MPPED2: variants seen among roughly 807,000 people sequenced by gnomAD.
MPPED2 encodes the protein metallophosphoesterase domain containing 2, also known as metallophosphoesterase MPPED2.
In MPPED2, 5 loss-of-function variants were observed where a neutral mutation model predicts 33.0. The ratio of observed to expected loss-of-function variants is 0.15; its 90% CI spans 0.08 to 0.32. The LOEUF (loss-of-function observed/expected upper bound fraction) is 0.32. Among genes scored for constraint, MPPED2 ranks in the 10% least tolerant of loss-of-function variants. The probability of loss-of-function intolerance (pLI) is 1.00; values close to 1 mark genes in which losing one functional copy is unlikely to be tolerated. For missense variants in MPPED2, 275 were observed against 372.1 expected, an observed-to-expected ratio of 0.74 and a Z score of 2.15; for synonymous variants, 136 against 141.9, an observed-to-expected ratio of 0.96 and a Z score of 0.29.
chr11:30,387,532 ACAC>A (rs1947718120), exon 7 of MPPED2: 1 of 152,166 alleles, frequency 6.6e-6, no homozygotes, highest in Admixed American at 6.5e-5. Context: ...GGTTGGAGAG[ACAC>A]CATCCCATGC....
At chr11:30,519,523 T>C (rs775468283) in intron 3 of MPPED2, among the ~76,000 whole-genome samples, 3 of 151,312 alleles carry the variant, frequency 2.0e-5, no homozygotes, top group Non-Finnish European at 2.9e-5. Context: ...AGGATACACA[T>C]ATATATGAGT....
intron 4 of MPPED2, among the ~76,000 whole-genome samples, chr11:30,479,272 G>A (rs900575239): frequency 5.3e-5 from 8 of 152,080 alleles, no homozygotes; most frequent in African/African-American, 1.9e-4. Flanking sequence ...GGTCACCGGA[G>A]ACCTGACGTA....
intron 3 of MPPED2, among the ~76,000 whole-genome samples, chr11:30,503,024 G>A (rs1406663243): frequency 6.6e-6 from 1 of 152,140 alleles, no homozygotes; most frequent in East Asian, 1.9e-4. Flanking sequence ...TGGTTTGGCT[G>A]TGTCCCCATC....
At chr11:30,476,438 G>A (rs1202264041) in intron 4 of MPPED2, among the ~76,000 whole-genome samples, 1 of 151,826 alleles carries the variant, frequency 6.6e-6, no homozygotes, top group Non-Finnish European at 1.5e-5. Context: ...TTTTGTATGT[G>A]GTATGAGGTA....
At chr11:30,432,184 A>G (rs937988258) in intron 4 of MPPED2, among the ~76,000 whole-genome samples, 1 of 146,406 alleles carries the variant, frequency 6.8e-6, no homozygotes, top group Non-Finnish European at 1.5e-5. Flanking sequence ...AAAAAAAAAA[A>G]TCCAATTTAT....
chr11:30,453,674 T>C (rs1394772873), intron 4 of MPPED2, among the ~76,000 whole-genome samples: 1 of 152,232 alleles, frequency 6.6e-6, no homozygotes, highest in Middle Eastern at 3.2e-3. Context: ...TTTTCTACAG[T>C]TTGTTCTGTG....
chr11:30,492,159 C>G (rs1405568501), intron 4 of MPPED2, among the ~76,000 whole-genome samples: 1 of 152,206 alleles, frequency 6.6e-6, no homozygotes, highest in East Asian at 1.9e-4. Context: ...TGCAGCACCA[C>G]CAAAAACAGA....
intron 6 of MPPED2, among the ~76,000 whole-genome samples, chr11:30,390,685 T>C (rs765499787): frequency 1.3e-5 from 2 of 152,166 alleles, no homozygotes; most frequent in Non-Finnish European, 1.5e-5. Context: ...AACAACAACT[T>C]ATTGTTATAT....
chr11:30,550,608 T>C (rs1368352155), intron 2 of MPPED2, among the ~76,000 whole-genome samples: 1 of 152,184 alleles, frequency 6.6e-6, no homozygotes, highest in Non-Finnish European at 1.5e-5. Flanking sequence ...TTTCCACGGC[T>C]TGCACGGCTG....
intron 4 of MPPED2, among the ~76,000 whole-genome samples, chr11:30,449,208 CT>C (rs1466532398): frequency 2.2e-5 from 3 of 136,384 alleles, no homozygotes; most frequent in African/African-American, 8.6e-5. Context: ...ATGAATGCCC[CT>C]ATGTATAGCT....
chr11:30,404,482 T>C (rs1185412509), intron 6 of MPPED2, among the ~76,000 whole-genome samples: 4 of 152,178 alleles, frequency 2.6e-5, no homozygotes, highest in Non-Finnish European at 5.9e-5. Flanking sequence ...CATGTGGGTT[T>C]TTCTCCTTCA....
At chr11:30,422,924 C>T (rs950137442) in intron 4 of MPPED2, among the ~76,000 whole-genome samples, 7 of 152,098 alleles carry the variant, frequency 4.6e-5, no homozygotes. Flanking sequence ...TTCAAAGCAC[C>T]CTCCCCCTTG....
chr11:30,399,912 T>A (rs607752), intron 6 of MPPED2, among the ~76,000 whole-genome samples: 1 of 151,978 alleles, frequency 6.6e-6, no homozygotes, highest in Non-Finnish European at 1.5e-5. Flanking sequence ...AAAGACAGAC[T>A]GAAACCTCAA....
At chr11:30,579,998 C>A (rs978481323) in intron 2 of MPPED2, among the ~76,000 whole-genome samples, 5 of 152,078 alleles carry the variant, frequency 3.3e-5, no homozygotes, top group African/African-American at 1.2e-4. Context: ...TAGGGGCAAC[C>A]AACCACCAGT....
intron 4 of MPPED2, chr11:30,425,572 G>A (rs1948798606): frequency 6.6e-6 from 1 of 152,130 alleles, no homozygotes; most frequent in Non-Finnish European, 1.5e-5. Flanking sequence ...AGAGCCTGAC[G>A]AGGCAGAGGA....
intron 2 of MPPED2, among the ~76,000 whole-genome samples, chr11:30,568,971 G>A (rs1956572856): frequency 6.6e-6 from 1 of 152,004 alleles, no homozygotes; most frequent in Non-Finnish European, 1.5e-5. Flanking sequence ...CTTACATGTT[G>A]GAGGAAATAT....
chr11:30,493,383 A>G (rs915155355), intron 4 of MPPED2, among the ~76,000 whole-genome samples: 51 of 152,074 alleles, frequency 3.4e-4, no homozygotes, highest in African/African-American at 1.2e-3. Context: ...AAAAAAAAAA[A>G]AAAAGAAAAT....
intron 2 of MPPED2, among the ~76,000 whole-genome samples, chr11:30,570,341 C>A (rs1330345107): frequency 6.6e-6 from 1 of 152,020 alleles, no homozygotes; most frequent in Non-Finnish European, 1.5e-5. Context: ...AAAGTCCCCA[C>A]CTCCTAATAC....
chr11:30,510,468 T>A lies in MPPED2; in HGVS notation c.311-14947A>T, dbSNP rs528767893. On this transcript the variant is annotated intron_variant, in intron 3 of 6. Coordinates refer to ENST00000358117, the MANE Select transcript of MPPED2 (RefSeq NM_001584.3). ...GCTTATCCTCAGCCAATACAGCACC[T>A]CTTTTTCATATCAATACCACCAAGG... Among the ~76,000 whole-genome samples, 12 of 152,348 alleles carry A rather than the reference T, an allele frequency of 7.9e-5. 1 individual carries two copies. In the East Asian group the frequency reaches 1.7e-3, roughly 22 times the overall value.
Sources: allele counts gnomAD v4.1 joint callset (sites outside exome capture counted in the v4.1 genomes callset), GRCh38; gene constraint gnomAD v4.1.1; transcripts MANE v1.5; gene names NCBI Gene and HGNC (gene_info 2026-07-23, HGNC 2026-07-21).